UNC13B: variants seen among roughly 807,000 people sequenced by gnomAD.
UNC13B encodes the protein unc-13 homolog B, also known as protein unc-13 homolog B.
A neutral mutation model predicts 211.0 loss-of-function variants in UNC13B; 144 were observed. That is an observed-to-expected ratio of 0.68 (90% CI 0.60 to 0.78). UNC13B has a LOEUF of 0.78. Ranked by LOEUF, UNC13B falls within the 30% of genes least tolerant of loss-of-function variation. UNC13B has a pLI of 0.00. For synonymous variants in UNC13B, 709 were observed against 725.8 expected (o/e 0.98, Z 0.37); for missense variants, 1,777 against 2,002.0 (o/e 0.89, Z 2.14).
Position 35,398,878 on chromosome 9 carries a change from G to A in UNC13B, c.11922-4G>A, listed in dbSNP as rs1836072177. On this transcript the variant is annotated splice_polypyrimidine_tract_variant and splice_region_variant and intron_variant, in intron 32 of 39. Coordinates refer to ENST00000635942, the MANE Select transcript of UNC13B (RefSeq NM_001371189.2). ...GAAAGGCTACACTGCGGGCACATGT[G>A]TAGTTTCCAGGTACGGATTGATGAG... 1.9e-6 allele frequency: 3 copies of A among 1,612,832 alleles called. No individual in the cohort carries two copies. The highest frequency in any genetic ancestry group is 1.3e-5 in the African/African-American group (1 of 74,912).
At chr9:35,342,200 G>A (rs1434873274) in intron 11 of UNC13B, 39 of 985,522 alleles carry the variant, frequency 4.0e-5, no homozygotes, top group South Asian at 9.4e-5. Flanking sequence ...CAGAAAGTTC[G>A]TCCTGTGGCT....
intron 11 of UNC13B, among the ~76,000 whole-genome samples, chr9:35,358,690 AT>A (rs918370577): frequency 0.045 from 4,880 of 108,664 alleles, 107 homozygotes; most frequent in African/African-American, 0.14. Flanking sequence ...TAGGTCTATG[AT>A]TTTTTTTTTT....
intron 21 of UNC13B, 99 bp from the exon 22 acceptor site, chr9:35,384,147 C>G (rs868198093): frequency 6.4e-7 from 1 of 1,560,510 alleles, no homozygotes; most frequent in Middle Eastern, 1.7e-4. Flanking sequence ...CCTCCCGACT[C>G]TTTCTACTCA....
At chr9:35,319,760 A>G (rs1830648556) in intron 11 of UNC13B, among the ~76,000 whole-genome samples, 1 of 152,050 alleles carries the variant, frequency 6.6e-6, no homozygotes, top group Non-Finnish European at 1.5e-5. Context: ...CCTGGGCTCA[A>G]GCAACCCTTC....
chr9:35,206,358 C>T lies in UNC13B; in HGVS notation c.23-21657C>T, dbSNP rs1368381830. ...TTTTTTCATCATCCCAAGAAAAATA[C>T]CCATACACATTAAATAATCACTCCC... On this transcript the variant is annotated intron_variant, in intron 1 of 39. Coordinates refer to ENST00000635942, the MANE Select transcript of UNC13B (RefSeq NM_001371189.2). 3.9e-5 allele frequency among the ~76,000 whole-genome samples: 6 copies of T among 152,164 alleles called. No individual in the cohort carries two copies. In the South Asian group the frequency reaches 1.2e-3, roughly 32 times the overall value.
At chr9:35,331,927 T>C (rs1023174699) in intron 11 of UNC13B, among the ~76,000 whole-genome samples, 4 of 152,062 alleles carry the variant, frequency 2.6e-5, no homozygotes, top group African/African-American at 9.7e-5. Flanking sequence ...GCAACTACTC[T>C]ATGGAAGGTA....
At chr9:35,257,985 G>A (rs1033999896) in intron 6 of UNC13B, among the ~76,000 whole-genome samples, 1 of 152,066 alleles carries the variant, frequency 6.6e-6, no homozygotes, top group African/African-American at 2.4e-5. Flanking sequence ...ACCCTAAAGG[G>A]CTTCTAAGTA....
Position 35,162,087 on chromosome 9 carries a change from G to A in UNC13B, c.-197G>A, listed in dbSNP as rs1295324930. The A allele has an allele frequency of 8.9e-6, 7 of 784,016 alleles. No homozygotes were observed. The highest frequency in any genetic ancestry group is 3.7e-4 in the Middle Eastern group (1 of 2,680). 48.6% of individuals were successfully genotyped at this position (784,016 alleles called of 1,614,324 possible). On this transcript the variant is annotated 5_prime_UTR_variant, in exon 1 of 40. Coordinates refer to ENST00000635942, the MANE Select transcript of UNC13B (RefSeq NM_001371189.2). The stretch of plus-strand genomic sequence containing the variant: ...CCCAGCCTGCCGGCCGGTACTCACC[G>A]CTACCCGGAGTTCGCTCAGACGGTG...
chr9:35,234,195 A>C (rs553915209), intron 3 of UNC13B, among the ~76,000 whole-genome samples: 160 of 152,282 alleles, frequency 1.1e-3, no homozygotes, highest in Non-Finnish European at 1.6e-3. Context: ...GGCTCACTGC[A>C]GCCTTGATCT....
At chr9:35,211,854 C>T (rs141355460) in intron 1 of UNC13B, among the ~76,000 whole-genome samples, 9 of 152,188 alleles carry the variant, frequency 5.9e-5, no homozygotes, top group East Asian at 1.9e-4. Flanking sequence ...CTAGCTACCC[C>T]GGAGGCTGAG....
At chr9:35,378,006 G>T (rs553410819) in intron 16 of UNC13B, among the ~76,000 whole-genome samples, 1 of 152,132 alleles carries the variant, frequency 6.6e-6, no homozygotes, top group East Asian at 1.9e-4. Flanking sequence ...GGGGACCAGG[G>T]AGTAGCTAAC....
intron 11 of UNC13B, chr9:35,342,391 A>C: frequency 2.0e-6 from 2 of 982,590 alleles, no homozygotes; most frequent in Non-Finnish European, 2.4e-6. Context: ...CAAGCAGGGC[A>C]AAAGGAAAGC....
rs78301116 is a variant in UNC13B, at chr9:35,249,320, C to A, written c.468+5956C>A. Among the ~76,000 whole-genome samples the A allele has an allele frequency of 1.7e-3, 259 of 152,276 alleles. 1 individual carries two copies. The highest frequency in any genetic ancestry group is 6.1e-3 in the African/African-American group (252 of 41,550). Reference sequence around the variant, plus strand: ...TTGACTCTTTATCCAATTTGCCAGTCTGTGTCTTTTAATTGGAGCATTTAG... The same window carrying A: ...TTGACTCTTTATCCAATTTGCCAGTATGTGTCTTTTAATTGGAGCATTTAG... On this transcript the variant is annotated intron_variant, in intron 6 of 39. Coordinates refer to ENST00000635942, the MANE Select transcript of UNC13B (RefSeq NM_001371189.2).
At chr9:35,299,582 T>A (rs1415911997) in intron 8 of UNC13B, among the ~76,000 whole-genome samples, 1 of 152,212 alleles carries the variant, frequency 6.6e-6, no homozygotes, top group African/African-American at 2.4e-5. Flanking sequence ...AGCTCACCAA[T>A]GAAAAATGAT....
rs368297513 is a variant in UNC13B, at chr9:35,175,569, A to G, written c.22+13264A>G. On this transcript the variant is annotated intron_variant, in intron 1 of 39. Transcript: ENST00000635942. ...TTGAGGTTTAGGAAAAAATGAAGAG[A>G]TCATTGGATTTGAAAACAAGGACAG... Among the ~76,000 whole-genome samples the G allele has an allele frequency of 7.7e-4, 117 of 152,230 alleles. 2 individuals carry two copies. In the South Asian group the frequency reaches 0.019, roughly 25 times the overall value.
intron 6 of UNC13B, among the ~76,000 whole-genome samples, chr9:35,256,867 CCTGT>C (rs1264971709): frequency 6.6e-6 from 1 of 151,932 alleles, no homozygotes; most frequent in Non-Finnish European, 1.5e-5. Context: ...TTCTACTATC[CCTGT>C]CTGTTTTTTG....
At chr9:35,399,318 C>G (rs1269092748) in intron 34 of UNC13B, 34 bp downstream of exon 34, 1 of 1,614,174 alleles carries the variant, frequency 6.2e-7, no homozygotes, top group Non-Finnish European at 8.5e-7. Context: ...CTCCTGCTGT[C>G]TCCCTTCCCC....
At chr9:35,256,507 A>G (rs1826886583) in intron 6 of UNC13B, among the ~76,000 whole-genome samples, 1 of 151,674 alleles carries the variant, frequency 6.6e-6, no homozygotes, top group Admixed American at 6.6e-5. Context: ...AGGAAATTCT[A>G]TTTTCTTTCT....
At chr9:35,200,481 T>A (rs1352624493) in intron 1 of UNC13B, among the ~76,000 whole-genome samples, 1 of 152,238 alleles carries the variant, frequency 6.6e-6, no homozygotes, top group African/African-American at 2.4e-5. Flanking sequence ...TGGAATGTTC[T>A]TCCATTGTTT....
Sources: allele counts gnomAD v4.1 joint callset (sites outside exome capture counted in the v4.1 genomes callset), GRCh38; gene constraint gnomAD v4.1.1; transcripts MANE v1.5; gene names NCBI Gene and HGNC (gene_info 2026-07-23, HGNC 2026-07-21).